The following KYNU variants were observed in gnomAD, a reference collection of about 807,000 sequenced individuals.
KYNU encodes the protein kynureninase.
KYNU carries 54 observed loss-of-function variants against 59.2 expected under a neutral mutation model. The observed-to-expected ratio is 0.91, with a 90% CI of 0.73 to 1.14. KYNU has a LOEUF of 1.14. Ranked by LOEUF, KYNU falls within the 50% of genes most tolerant of loss-of-function variation. The pLI is 0.00. For missense variants in KYNU, 567 were observed against 554.4 expected (o/e 1.02, Z -0.23); for synonymous variants, 177 against 192.0 (o/e 0.92, Z 0.65).
intron 3 of KYNU, among the ~76,000 whole-genome samples, chr2:142,925,438 T>C (rs1683018579): frequency 6.6e-6 from 1 of 152,190 alleles, no homozygotes; most frequent in Non-Finnish European, 1.5e-5. Flanking sequence ...CACATGCTGA[T>C]GAAGGTAGTT....
intron 10 of KYNU, among the ~76,000 whole-genome samples, chr2:143,006,598 G>A (rs1685910586): frequency 7.4e-6 from 1 of 136,010 alleles, no homozygotes; most frequent in African/African-American, 2.8e-5. Context: ...CCACCTCTGG[G>A]GGCAGGGCAC....
chr2:143,027,673 T>G (rs1686616767), intron 10 of KYNU, among the ~76,000 whole-genome samples: 1 of 152,196 alleles, frequency 6.6e-6, no homozygotes, highest in African/African-American at 2.4e-5. Context: ...AATACAGAAT[T>G]TTAAATGTTT....
intron 10 of KYNU, among the ~76,000 whole-genome samples, chr2:142,992,797 G>A (rs957850715): frequency 7.2e-5 from 11 of 151,976 alleles, no homozygotes; most frequent in Non-Finnish European, 1.5e-4. Flanking sequence ...CAATATTTTT[G>A]TGCAAAAAGC....
chr2:142,924,837 T>G (rs1230677839), intron 3 of KYNU, among the ~76,000 whole-genome samples: 2 of 152,236 alleles, frequency 1.3e-5, no homozygotes, highest in Non-Finnish European at 2.9e-5. Flanking sequence ...AACGGCACTT[T>G]AATCTACATC....
At chr2:142,962,386 T>C (rs540861566) in intron 8 of KYNU, among the ~76,000 whole-genome samples, 2 of 152,322 alleles carry the variant, frequency 1.3e-5, no homozygotes, top group African/African-American at 4.8e-5. Context: ...ATGATGAATA[T>C]AAAACACCAA....
intron 4 of KYNU, chr2:142,947,328 T>C (rs1236355658): frequency 1.7e-6 from 2 of 1,146,962 alleles, no homozygotes; most frequent in African/African-American, 3.1e-5. Flanking sequence ...ATTCCATTTT[T>C]TCTATTGCAG....
At chr2:143,005,185 T>A (rs942262078) in intron 10 of KYNU, among the ~76,000 whole-genome samples, 17 of 152,190 alleles carry the variant, frequency 1.1e-4, no homozygotes, top group Admixed American at 7.9e-4. Context: ...AATTCATTAA[T>A]ACTATGATGA....
At chr2:143,004,652 G>T (rs902062030) in intron 10 of KYNU, among the ~76,000 whole-genome samples, 4 of 152,168 alleles carry the variant, frequency 2.6e-5, no homozygotes, top group African/African-American at 7.2e-5. Flanking sequence ...AGTGAGCCAA[G>T]ATGGCACCAC....
At chr2:142,904,390 G>A (rs1208156877) in intron 2 of KYNU, among the ~76,000 whole-genome samples, 1 of 152,178 alleles carries the variant, frequency 6.6e-6, no homozygotes, top group African/African-American at 2.4e-5. Flanking sequence ...GGCCTGTGGG[G>A]AATTGTTCTT....
intron 3 of KYNU, 128 bp downstream of exon 3, chr2:142,918,857 AG>A: frequency 9.2e-7 from 1 of 1,091,606 alleles, no homozygotes; most frequent in South Asian, 1.5e-5. Context: ...GCATCTGTGG[AG>A]GATTAGTTCC....
intron 11 of KYNU, among the ~76,000 whole-genome samples, chr2:143,032,304 A>AC (rs1553491610): frequency 2.8e-4 from 35 of 123,384 alleles, no homozygotes; most frequent in Admixed American, 8.5e-4. Context: ...AAAAAAAACA[A>AC]AACAAAAAAA....
intron 7 of KYNU, 114 bp from the exon 8 acceptor site, chr2:142,960,508 GAA>G: frequency 2.6e-6 from 2 of 780,792 alleles, no homozygotes; most frequent in Non-Finnish European, 3.8e-6. Context: ...ACCTTAATCT[GAA>G]AAAAAAAACT....
intron 8 of KYNU, among the ~76,000 whole-genome samples, chr2:142,983,854 T>A (rs1685120456): frequency 6.6e-6 from 1 of 152,060 alleles, no homozygotes; most frequent in Non-Finnish European, 1.5e-5. Context: ...ATATGGCAAA[T>A]CGTATTAGCA....
chr2:142,913,961 G>GT (rs1682590995), intron 2 of KYNU, among the ~76,000 whole-genome samples: 1 of 152,208 alleles, frequency 6.6e-6, no homozygotes, highest in South Asian at 2.1e-4. Context: ...TCTTTGACCT[G>GT]TTTTATTGCT....
chr2:142,928,193 G>A (rs998355000), intron 4 of KYNU, among the ~76,000 whole-genome samples: 1 of 152,048 alleles, frequency 6.6e-6, no homozygotes, highest in South Asian at 2.1e-4. Context: ...TTAGCTTCAT[G>A]TTACTGAAAA....
chr2:142,980,095 TC>T (rs1198798830), intron 8 of KYNU, among the ~76,000 whole-genome samples: 1 of 151,848 alleles, frequency 6.6e-6, no homozygotes, highest in Non-Finnish European at 1.5e-5. Flanking sequence ...CGAGGGTTCC[TC>T]CCCTTTTTAG....
chr2:142,973,856 G>A (rs1684810919), intron 8 of KYNU, among the ~76,000 whole-genome samples: 1 of 152,198 alleles, frequency 6.6e-6, no homozygotes, highest in African/African-American at 2.4e-5. Flanking sequence ...AGAATCAGAT[G>A]TGACATAGAA....
chr2:143,044,457 A>G lies in KYNU; in HGVS notation c.*2285A>G, dbSNP rs1305920825. 6.6e-6 allele frequency: 1 copy of G among 152,322 alleles called. No individual in the cohort carries two copies. The highest frequency in any genetic ancestry group is 2.4e-5 in the African/African-American group (1 of 41,572). The allele number at this position is 152,322 out of a possible 1,614,324, so 9.4% of individuals were successfully genotyped here. ...TAATTTATACTCCCACCAACAGTGT[A>G]AAAGCATTCCTATTTCTCCACATCC... is the stretch of plus-strand genomic sequence containing the variant. On this transcript the variant is annotated 3_prime_UTR_variant, in exon 14 of 14. Coordinates refer to ENST00000264170, the MANE Select transcript of KYNU (RefSeq NM_003937.3).
At chr2:142,956,823 T>C (rs530359002) in intron 6 of KYNU, among the ~76,000 whole-genome samples, 13 of 152,212 alleles carry the variant, frequency 8.5e-5, no homozygotes, top group African/African-American at 2.9e-4. Context: ...AGAAATGTAA[T>C]GGTTTCAGAC....
Sources: allele counts gnomAD v4.1 joint callset (sites outside exome capture counted in the v4.1 genomes callset), GRCh38; gene constraint gnomAD v4.1.1; transcripts MANE v1.5; gene names NCBI Gene and HGNC (gene_info 2026-07-23, HGNC 2026-07-21).